The following RFC4 variants were observed in gnomAD, a reference collection of about 807,000 sequenced individuals.
RFC4 encodes the protein replication factor C subunit 4.
In RFC4, 38 loss-of-function variants were observed where a neutral mutation model predicts 47.6. That is an observed-to-expected ratio of 0.80 (90% CI 0.62 to 1.05). The LOEUF is 1.05. Among genes scored for constraint, RFC4 ranks in the 50% least tolerant of loss-of-function variants. The probability of loss-of-function intolerance (pLI) is 0.00; values close to 1 mark genes in which losing one functional copy is unlikely to be tolerated. For synonymous variants in RFC4, 164 were observed against 150.0 expected, an observed-to-expected ratio of 1.09 and a Z score of -0.68; for missense variants, 489 against 434.0, an observed-to-expected ratio of 1.13 and a Z score of -1.13.
chr3:186,801,029 C>A, intron 3 of RFC4, 88 bp downstream of exon 3: 2 of 955,856 alleles, frequency 2.1e-6, no homozygotes, highest in Non-Finnish European at 3.4e-6. Flanking sequence ...AGATATTTAA[C>A]GAGGGCTAGA....
intron 4 of RFC4, 200 bp from the exon 5 acceptor site, chr3:186,794,977 T>G: frequency 1.7e-6 from 1 of 575,532 alleles, no homozygotes; most frequent in East Asian, 3.0e-5. Flanking sequence ...TAAAAAAATG[T>G]AGACATTACA....
chr3:186,796,390 T>G lies in RFC4; in HGVS notation c.290+1145A>C, dbSNP rs980179779. Among the ~76,000 whole-genome samples the G allele has an allele frequency of 6.6e-6, 1 of 152,254 alleles. No homozygotes were observed. The highest frequency in any genetic ancestry group is 1.5e-5 in the Non-Finnish European group (1 of 68,048). ...TTTTACTGAGAATAAAAAATTGCTG[T>G]CAAATAAAATATTAGGCACATAGCA... On this transcript the variant is annotated intron_variant, in intron 4 of 10. Transcript: ENST00000296273. This position sits in a 1 kb window ranked among gnomAD's most constrained non-coding sequence, Gnocchi z 4.2.
intron 2 of RFC4, 27 bp downstream of exon 2, chr3:186,804,556 T>C (rs372712441): frequency 3.1e-6 from 5 of 1,611,500 alleles, no homozygotes; most frequent in Middle Eastern, 1.6e-4. Context: ...TTATGAATTA[T>C]TTTAACAAAG....
At chr3:186,799,622 A>C (rs1722310471) in intron 3 of RFC4, among the ~76,000 whole-genome samples, 1 of 152,102 alleles carries the variant, frequency 6.6e-6, no homozygotes, top group African/African-American at 2.4e-5. Flanking sequence ...CTGAGGTGGG[A>C]GGATCACTTG....
chr3:186,791,338 A>G (rs3917135), intron 8 of RFC4: 8 of 254,456 alleles, frequency 3.1e-5, no homozygotes, highest in Admixed American at 1.4e-4. Flanking sequence ...AAAATATACA[A>G]ATTAGCTGGG....
chr3:186,790,482 G>T (rs973910545), intron 8 of RFC4, 76 bp from the exon 9 acceptor site: 1 of 1,015,036 alleles, frequency 9.9e-7, no homozygotes, highest in East Asian at 2.4e-5. Flanking sequence ...TGGCCCCCGT[G>T]CCCCCAGTCA....
Position 186,793,607 on chromosome 3 carries a change from G to A in RFC4, c.411-660C>T, listed in dbSNP as rs188158065. On this transcript the variant is annotated intron_variant, in intron 5 of 10. Transcript: ENST00000296273. This position sits in a 1 kb window ranked among gnomAD's most constrained non-coding sequence, Gnocchi z 4.2. ...TTTTTTATCATAGCCATCCTAGTGGGAGTTACGTGGTATTTCAATGTGGCT... is the reference window on the plus strand; with the variant it reads ...TTTTTTATCATAGCCATCCTAGTGGAAGTTACGTGGTATTTCAATGTGGCT... Among the ~76,000 whole-genome samples the A allele has an allele frequency of 2.6e-5, 4 of 152,278 alleles. No individual in the cohort carries two copies. The highest frequency in any genetic ancestry group is 3.9e-4 in the East Asian group (2 of 5,186).
chr3:186,802,596 C>A (rs776166528), intron 2 of RFC4, among the ~76,000 whole-genome samples: 1 of 152,146 alleles, frequency 6.6e-6, no homozygotes, highest in Non-Finnish European at 1.5e-5. Flanking sequence ...CATCTTACAA[C>A]AGTGATTTTT....
intron 1 of RFC4, chr3:186,805,711 A>C (rs1026871120): frequency 2.0e-5 from 3 of 152,212 alleles, no homozygotes; most frequent in Non-Finnish European, 4.4e-5. Flanking sequence ...TCCCACCCAG[A>C]AGGTAACTAT....
At position 186,804,651 on chromosome 3, in the gene RFC4, T is replaced by A; in HGVS notation, c.63A>T (p.Gly21=). The change falls in exon 2 of 11, where the codon GGA becomes GGT. Residue 21 remains glycine, a synonymous_variant. Transcript: ENST00000296273. ...STKPPLTKDR[G]VAASAGSSGE... Reference sequence around the variant, plus strand: ...CGCTACTTCCCGCACTGGCAGCTACTCCTCGATCCTTGGTCAGCGGGGGTT... The same window carrying A: ...CGCTACTTCCCGCACTGGCAGCTACACCTCGATCCTTGGTCAGCGGGGGTT... 3 of 1,614,172 alleles carry A rather than the reference T, an allele frequency of 1.9e-6. No homozygotes were observed. The highest frequency in any genetic ancestry group is 2.5e-6 in the Non-Finnish European group (3 of 1,180,022).
At chr3:186,795,947 G>A (rs79569952) in intron 4 of RFC4, among the ~76,000 whole-genome samples, 1 of 152,080 alleles carries the variant, frequency 6.6e-6, no homozygotes, top group East Asian at 1.9e-4. Flanking sequence ...TATGCTTACT[G>A]TAGAGAAATT....
At chr3:186,804,179 T>C (rs1055425901) in intron 2 of RFC4, among the ~76,000 whole-genome samples, 14 of 152,094 alleles carry the variant, frequency 9.2e-5, no homozygotes, top group South Asian at 4.1e-4. Context: ...TGAGACTCCG[T>C]CTCAAAAATA....
chr3:186,801,241 T>A, intron 2 of RFC4, 46 bp from the exon 3 acceptor site: 1 of 1,405,808 alleles, frequency 7.1e-7, no homozygotes, highest in Admixed American at 1.7e-5. Context: ...TATATTATAG[T>A]AGCCACAGAA....
intron 8 of RFC4, 78 bp downstream of exon 8, chr3:186,791,647 G>C (rs1281123428): frequency 7.8e-7 from 1 of 1,285,870 alleles, no homozygotes; most frequent in Admixed American, 1.7e-5. Context: ...TAAACACCCA[G>C]TATTTGTTGG....
At chr3:186,802,282 C>T (rs1178847190) in intron 2 of RFC4, among the ~76,000 whole-genome samples, 2 of 151,656 alleles carry the variant, frequency 1.3e-5, no homozygotes, top group Non-Finnish European at 2.9e-5. Context: ...GCCAAGATCG[C>T]ACCACTGCAC....
chr3:186,798,181 T>C (rs967740157), intron 3 of RFC4, among the ~76,000 whole-genome samples: 3 of 152,202 alleles, frequency 2.0e-5, no homozygotes, highest in Non-Finnish European at 4.4e-5. Context: ...ATCATGATTA[T>C]GCACTCTGTA....
Position 186,790,422 on chromosome 3 carries a change from T to G in RFC4, c.802-16A>C, listed in dbSNP as rs763352415. 1.3e-6 allele frequency: 2 copies of G among 1,579,222 alleles called. No homozygotes were observed. Among genetic ancestry groups the G allele is most frequent in the Non-Finnish European group, 1.7e-6 (2 of 1,148,476 alleles). On this transcript the variant is annotated splice_polypyrimidine_tract_variant and intron_variant, in intron 8 of 10. Coordinates refer to ENST00000296273, the MANE Select transcript of RFC4 (RefSeq NM_002916.5). ...CTGGTATTACCTAGGTAATTGAATG[T>G]TCGGTATTAAAGATGTTTCTAGGTG...
At chr3:186,794,597 T>A in intron 5 of RFC4, 61 bp downstream of exon 5, 1 of 1,514,752 alleles carries the variant, frequency 6.6e-7, no homozygotes. Flanking sequence ...TGAGGAGCGA[T>A]GGCAGAAATA....
At chr3:186,790,452 T>C (rs763666466) in intron 8 of RFC4, 46 bp from the exon 9 acceptor site, 1 of 1,357,722 alleles carries the variant, frequency 7.4e-7, no homozygotes, top group Admixed American at 1.7e-5. Flanking sequence ...TAGGTGAGAC[T>C]AGACATACAC....
Sources: allele counts gnomAD v4.1 joint callset (sites outside exome capture counted in the v4.1 genomes callset), GRCh38; gene constraint gnomAD v4.1.1; non-coding constraint Gnocchi (gnomAD v3.1); transcripts MANE v1.5; gene names NCBI Gene and HGNC (gene_info 2026-07-23, HGNC 2026-07-21).